DMRT1: variants seen among roughly 807,000 people sequenced by gnomAD.
DMRT1 encodes the protein doublesex- and mab-3-related transcription factor 1.
DMRT1 carries 7 observed loss-of-function variants against 32.3 expected under a neutral mutation model. That is an observed-to-expected ratio of 0.22 (90% CI 0.12 to 0.41). The LOEUF (loss-of-function observed/expected upper bound fraction) is 0.41, where lower values mean the gene tolerates loss of function less well. Ranked by LOEUF, DMRT1 falls within the 10% of genes least tolerant of loss-of-function variation. DMRT1 has a pLI of 1.00. For synonymous variants in DMRT1, 278 were observed against 206.1 expected, an observed-to-expected ratio of 1.35 and a Z score of -2.99; for missense variants, 625 against 500.5, an observed-to-expected ratio of 1.25 and a Z score of -2.37.
At chr9:845,352 C>T (rs1157470559) in intron 1 of DMRT1, among the ~76,000 whole-genome samples, 6 of 151,896 alleles carry the variant, frequency 4.0e-5, no homozygotes, top group African/African-American at 7.3e-5. Context: ...GGATTACAGG[C>T]GCACACCACC....
chr9:862,217 G>C (rs1263014662), intron 2 of DMRT1, among the ~76,000 whole-genome samples: 1 of 151,960 alleles, frequency 6.6e-6, no homozygotes, highest in African/African-American at 2.4e-5. Context: ...GCAACACTGA[G>C]CACTGAGTGA....
Position 847,041 on chromosome 9 carries a change from C to G in DMRT1, c.436C>G (p.Leu146Val), listed in dbSNP as rs867439861. Residue 146 changes from leucine to valine, a missense_variant, in exon 2 of 5, where the codon CTT becomes GTT. Coordinates refer to ENST00000382276, the MANE Select transcript of DMRT1 (RefSeq NM_021951.3). ...PIPLPSAAEL[L>V]VKRENNGSNP... The stretch of plus-strand genomic sequence containing the variant: ...CCCACTGCCCAGTGCGGCCGAGCTG[C>G]TTGTCAAAAGAGAGAACAATGGCAG... The G allele has an allele frequency of 6.2e-7, 1 of 1,614,022 alleles. No individual in the cohort carries two copies. Among genetic ancestry groups the G allele is most frequent in the Non-Finnish European group, 8.5e-7 (1 of 1,180,046 alleles).
At chr9:934,100 C>G (rs1818810702) in intron 4 of DMRT1, among the ~76,000 whole-genome samples, 1 of 152,004 alleles carries the variant, frequency 6.6e-6, no homozygotes, top group African/African-American at 2.4e-5. Flanking sequence ...AGTACTTGCC[C>G]AGAGTGGAAA....
intron 3 of DMRT1, among the ~76,000 whole-genome samples, chr9:911,656 C>T (rs1817992845): frequency 6.6e-6 from 1 of 151,850 alleles, no homozygotes. Context: ...CCACACCCAG[C>T]TAATTGTTTG....
intron 4 of DMRT1, among the ~76,000 whole-genome samples, chr9:920,423 G>A (rs983944518): frequency 6.6e-6 from 1 of 152,168 alleles, no homozygotes; most frequent in Non-Finnish European, 1.5e-5. Flanking sequence ...GCCAAAGAGT[G>A]CTGATATGTC....
intron 3 of DMRT1, among the ~76,000 whole-genome samples, chr9:914,479 C>T (rs1818103355): frequency 7.1e-6 from 1 of 141,328 alleles, no homozygotes; most frequent in Admixed American, 8.0e-5. Context: ...GAGGCTGAGG[C>T]AGGAGAATGA....
Position 956,428 on chromosome 9 carries a change from G to C in DMRT1, c.968-11557G>C, listed in dbSNP as rs114361005. ...TGAAAATGGTTAAGGGCCAGGTGTG[G>C]TGGCTCATGCCGGTAATCCCAGCAC... On this transcript the variant is annotated intron_variant, in intron 4 of 4. Coordinates refer to ENST00000382276, the MANE Select transcript of DMRT1 (RefSeq NM_021951.3). Among the ~76,000 whole-genome samples the C allele has an allele frequency of 1.9e-3, 282 of 152,198 alleles. 1 individual carries two copies. Among genetic ancestry groups the C allele is most frequent in the African/African-American group, 6.3e-3 (262 of 41,534 alleles).
intron 2 of DMRT1, among the ~76,000 whole-genome samples, chr9:871,875 C>G (rs1816282970): frequency 6.6e-6 from 1 of 151,324 alleles, no homozygotes; most frequent in Non-Finnish European, 1.5e-5. Context: ...GTATTAAGAA[C>G]CACTGCTTTG....
At chr9:877,766 A>T (rs1342302669) in intron 2 of DMRT1, among the ~76,000 whole-genome samples, 1 of 152,222 alleles carries the variant, frequency 6.6e-6, no homozygotes, top group Non-Finnish European at 1.5e-5. Flanking sequence ...GGCTCCAGAT[A>T]ATTCCCAGTT....
At chr9:842,281 C>T (rs1838721642) in intron 1 of DMRT1, 89 bp downstream of exon 1, 5 of 1,467,134 alleles carry the variant, frequency 3.4e-6, no homozygotes, top group Non-Finnish European at 4.5e-6. Context: ...GTTGCCCAGG[C>T]TGCAGTGTAG....
chr9:885,629 C>T (rs1053809015), intron 2 of DMRT1, among the ~76,000 whole-genome samples: 4 of 152,228 alleles, frequency 2.6e-5, no homozygotes, highest in South Asian at 4.2e-4. Flanking sequence ...TGTGTCTGCT[C>T]GCTAGGGTTT....
chr9:921,588 A>G (rs1818356222), intron 4 of DMRT1, among the ~76,000 whole-genome samples: 1 of 152,170 alleles, frequency 6.6e-6, no homozygotes, highest in Admixed American at 6.5e-5. Context: ...CAGCAGCTGC[A>G]TCGTTTTATA....
At chr9:927,171 A>G (rs1253263820) in intron 4 of DMRT1, among the ~76,000 whole-genome samples, 1 of 152,254 alleles carries the variant, frequency 6.6e-6, no homozygotes, top group African/African-American at 2.4e-5. Context: ...GCCCAGGCCA[A>G]GTACAACTTG....
At chr9:932,101 C>A (rs1818744828) in intron 4 of DMRT1, among the ~76,000 whole-genome samples, 1 of 152,208 alleles carries the variant, frequency 6.6e-6, no homozygotes, top group African/African-American at 2.4e-5. Context: ...AGTGGTCACT[C>A]ACACCCCACT....
intron 4 of DMRT1, among the ~76,000 whole-genome samples, chr9:953,469 A>G (rs1188308719): frequency 6.6e-6 from 1 of 152,132 alleles, no homozygotes; most frequent in Non-Finnish European, 1.5e-5. Flanking sequence ...AAATGACGAA[A>G]ATCTTCTCTT....
intron 2 of DMRT1, among the ~76,000 whole-genome samples, chr9:851,476 T>C (rs1017687989): frequency 6.6e-6 from 1 of 152,134 alleles, no homozygotes; most frequent in African/African-American, 2.4e-5. Flanking sequence ...TGACCTCAAA[T>C]GATTGCCCGC....
intron 4 of DMRT1, among the ~76,000 whole-genome samples, chr9:930,614 T>C (rs1818689050): frequency 1.3e-5 from 2 of 152,124 alleles, no homozygotes; most frequent in South Asian, 2.1e-4. Context: ...TTCACCATGT[T>C]AGCCAGGATG....
At chr9:843,785 G>A (rs769042603) in intron 1 of DMRT1, among the ~76,000 whole-genome samples, 2 of 152,162 alleles carry the variant, frequency 1.3e-5, no homozygotes, top group Non-Finnish European at 2.9e-5. Context: ...ATGCCCGAAG[G>A]TTATATGCTT....
At chr9:844,914 A>T (rs1348784026) in intron 1 of DMRT1, among the ~76,000 whole-genome samples, 1 of 151,680 alleles carries the variant, frequency 6.6e-6, no homozygotes, top group Non-Finnish European at 1.5e-5. Context: ...TAGAGACGGG[A>T]TTTCACCATA....
Sources: allele counts gnomAD v4.1 joint callset (sites outside exome capture counted in the v4.1 genomes callset), GRCh38; gene constraint gnomAD v4.1.1; transcripts MANE v1.5; gene names NCBI Gene and HGNC (gene_info 2026-07-23, HGNC 2026-07-21).